The following RANBP2 variants were observed in gnomAD, a reference collection of about 807,000 sequenced individuals.
RANBP2 encodes the protein RAN binding protein 2.
RANBP2 carries 57 observed loss-of-function variants against 303.6 expected under a neutral mutation model. The observed-to-expected ratio is 0.19, with a 90% CI of 0.15 to 0.23. RANBP2 has a LOEUF of 0.23. RANBP2 is among the 10% of genes least tolerant of loss of function. The probability of loss-of-function intolerance (pLI) is 1.00; values close to 1 mark genes in which losing one functional copy is unlikely to be tolerated. For missense variants in RANBP2, 3,138 were observed against 3,780.8 expected, an observed-to-expected ratio of 0.83 and a Z score of 4.46; for synonymous variants, 1,167 against 1,301.5, an observed-to-expected ratio of 0.90 and a Z score of 2.23.
chr2:109,504,851 C>T, the RANBP2 span, among the ~76,000 whole-genome samples: 1 of 152,190 alleles, frequency 6.6e-6, no homozygotes, highest in East Asian at 1.9e-4. Flanking sequence ...TGTCTGTACC[C>T]AGCACATGCC....
At chr2:108,842,185 A>G in the RANBP2 span, among the ~76,000 whole-genome samples, 983 of 141,280 alleles carry the variant, frequency 7.0e-3, 5 homozygotes, top group Admixed American at 0.011. Context: ...TCGCCACCAC[A>G]CCTGGCTAAT....
At chr2:108,830,690 C>A in the RANBP2 span, among the ~76,000 whole-genome samples, 2 of 152,086 alleles carry the variant, frequency 1.3e-5, no homozygotes, top group South Asian at 2.1e-4. Flanking sequence ...CACATGTAAT[C>A]CCAGCTACTT....
the RANBP2 span, among the ~76,000 whole-genome samples, chr2:109,125,567 T>G: frequency 2.6e-5 from 4 of 152,302 alleles, no homozygotes; most frequent in Admixed American, 2.6e-4. Flanking sequence ...TGGGATTATT[T>G]TTTTCCAAAC....
At chr2:109,373,056 G>A in the RANBP2 span, among the ~76,000 whole-genome samples, 4 of 152,008 alleles carry the variant, frequency 2.6e-5, no homozygotes, top group Non-Finnish European at 5.9e-5. Context: ...AGTGGTTCTC[G>A]CACATTTAGT....
At chr2:108,832,205 TTAG>T in the RANBP2 span, among the ~76,000 whole-genome samples, 6,712 of 151,880 alleles carry the variant, frequency 0.044, 209 homozygotes, top group Non-Finnish European at 0.069. Flanking sequence ...AATTTTTATA[TTAG>T]TAGAGACGGG....
At chr2:109,328,964 G>A in the RANBP2 span, among the ~76,000 whole-genome samples, 4 of 152,192 alleles carry the variant, frequency 2.6e-5, no homozygotes, top group African/African-American at 7.2e-5. Flanking sequence ...GCTTGGCCAC[G>A]TCCTTCCTCC....
the RANBP2 span, among the ~76,000 whole-genome samples, chr2:109,313,167 G>T: frequency 4.6e-5 from 7 of 152,176 alleles, no homozygotes; most frequent in African/African-American, 1.7e-4. Context: ...GGGCTGAGCT[G>T]GGAAGAACCA....
chr2:109,521,235 T>A, the RANBP2 span, among the ~76,000 whole-genome samples: 4 of 144,310 alleles, frequency 2.8e-5, no homozygotes, highest in South Asian at 2.2e-4. Context: ...AAAAAAAGAA[T>A]TATGATGTTG....
chr2:109,397,680 C>G, the RANBP2 span, among the ~76,000 whole-genome samples: 2 of 152,168 alleles, frequency 1.3e-5, no homozygotes, highest in Non-Finnish European at 2.9e-5. Context: ...TGGTACCTCC[C>G]CAGGCTGTGT....
At chr2:109,631,278 C>T in the RANBP2 span, among the ~76,000 whole-genome samples, 2 of 151,902 alleles carry the variant, frequency 1.3e-5, no homozygotes, top group Non-Finnish European at 2.9e-5. Flanking sequence ...CCTACAACTG[C>T]GGATGCTCAG....
chr2:109,412,644 G>A, the RANBP2 span, among the ~76,000 whole-genome samples: 26 of 152,228 alleles, frequency 1.7e-4, no homozygotes, highest in African/African-American at 6.0e-4. Context: ...GCACATGGGG[G>A]ATCGAGAAAG....
intron 1 of RANBP2, among the ~76,000 whole-genome samples, chr2:108,722,581 G>C (rs1694354087): frequency 6.7e-6 from 1 of 150,302 alleles, no homozygotes; most frequent in Admixed American, 6.6e-5. Context: ...CTTTCATTGT[G>C]CTTTCATTTG....
chr2:108,809,268 G>T, the RANBP2 span, among the ~76,000 whole-genome samples: 1 of 152,104 alleles, frequency 6.6e-6, no homozygotes, highest in Admixed American at 6.6e-5. Context: ...CAGTTTTGTT[G>T]TTTTCGCACA....
chr2:108,983,359 G>C, the RANBP2 span, among the ~76,000 whole-genome samples: 2 of 152,148 alleles, frequency 1.3e-5, no homozygotes, highest in South Asian at 2.1e-4. Context: ...TAAGGATTAG[G>C]ATTTTTTGGG....
At chr2:109,582,551 G>A in the RANBP2 span, among the ~76,000 whole-genome samples, 1 of 152,098 alleles carries the variant, frequency 6.6e-6, no homozygotes, top group East Asian at 1.9e-4. Flanking sequence ...CAAGACTCCT[G>A]AGCAAGCGAT....
intron 9 of RANBP2, among the ~76,000 whole-genome samples, chr2:108,749,712 C>A (rs1188204010): frequency 6.6e-6 from 1 of 152,190 alleles, no homozygotes; most frequent in East Asian, 1.9e-4. Flanking sequence ...TTGCCTCAGC[C>A]TCCTGAGTAG....
chr2:108,839,110 A>G, the RANBP2 span: 1 of 1,426,286 alleles, frequency 7.0e-7, no homozygotes, highest in South Asian at 1.5e-5. Flanking sequence ...ATAATTTTGG[A>G]AAATTGTGGT....
At chr2:109,414,233 G>A in the RANBP2 span, among the ~76,000 whole-genome samples, 2 of 152,194 alleles carry the variant, frequency 1.3e-5, no homozygotes, top group African/African-American at 4.8e-5. Flanking sequence ...ACGAGCCTTT[G>A]TTGAGGGCCT....
At chr2:108,721,476 T>C (rs1424928485) in intron 1 of RANBP2, among the ~76,000 whole-genome samples, 1 of 152,170 alleles carries the variant, frequency 6.6e-6, no homozygotes, top group Non-Finnish European at 1.5e-5. Flanking sequence ...GGGGTCTCAC[T>C]CTGTCACCCA....
Sources: gnomAD v4.1 joint callset for allele counts (sites outside exome capture counted in the v4.1 genomes callset) on GRCh38, gnomAD v4.1.1 for gene constraint, MANE v1.5 for transcripts, NCBI Gene and HGNC (gene_info 2026-07-23, HGNC 2026-07-21) for gene names.